The following ZNF341 variants were observed in gnomAD, a reference collection of about 807,000 sequenced individuals.
ZNF341 encodes the protein zinc finger protein 341.
Under a neutral mutation model 87.7 loss-of-function variants are expected in ZNF341, and 52 were observed. The observed-to-expected ratio is 0.59, with a 90% confidence interval of 0.47 to 0.75. The LOEUF is 0.75. ZNF341 is among the 30% of genes least tolerant of loss of function. ZNF341 has a pLI of 0.00. For synonymous variants in ZNF341, 459 were observed against 472.7 expected, an observed-to-expected ratio of 0.97 and a Z score of 0.38; for missense variants, 977 against 1,145.9, an observed-to-expected ratio of 0.85 and a Z score of 2.13.
intron 10 of ZNF341, among the ~76,000 whole-genome samples, chr20:33,776,975 C>T (rs2019639689): frequency 3.3e-5 from 5 of 151,292 alleles, no homozygotes; most frequent in Admixed American, 3.3e-4. Flanking sequence ...TTCCTAAAAA[C>T]AAGGATAACC....
At chr20:33,758,352 T>C (rs1221693267) in intron 6 of ZNF341, among the ~76,000 whole-genome samples, 4 of 152,136 alleles carry the variant, frequency 2.6e-5, no homozygotes, top group Non-Finnish European at 5.9e-5. Flanking sequence ...AGGAACATGC[T>C]TGAAGTCTTT....
chr20:33,749,146 G>C, intron 4 of ZNF341, 74 bp downstream of exon 4: 1 of 1,538,924 alleles, frequency 6.5e-7, no homozygotes. Flanking sequence ...TCAGAATCTT[G>C]TAGAATAAAG....
intron 7 of ZNF341, among the ~76,000 whole-genome samples, chr20:33,761,378 C>A (rs6088296): frequency 0.08 from 12,151 of 152,116 alleles, 497 homozygotes; most frequent in East Asian, 0.17. Context: ...AATTCTCCTG[C>A]CTCAGCCTCC....
intron 2 of ZNF341, among the ~76,000 whole-genome samples, chr20:33,741,701 G>A (rs570144607): frequency 6.6e-6 from 1 of 152,174 alleles, no homozygotes; most frequent in Non-Finnish European, 1.5e-5. Context: ...CACTGCACCT[G>A]GCCTGTAAGG....
rs904542468 is a variant in ZNF341 at position 33,732,894 on chromosome 20, A to G, written c.31+842A>G. Among the ~76,000 whole-genome samples, 25 of 152,176 alleles carry G rather than the reference A, an allele frequency of 1.6e-4. No homozygotes were observed. Among genetic ancestry groups the G allele is most frequent in the Non-Finnish European group, 8.8e-5 (6 of 68,028 alleles). ...TTAGCGACTCGGGGCCATGGCGCAG[A>G]ATAGATATTGTGGGAAATACAGACC... On this transcript the variant is annotated intron_variant, in intron 1 of 14. Coordinates refer to ENST00000375200, the MANE Select transcript of ZNF341 (RefSeq NM_001282933.2). This position sits in a 1 kb window ranked among gnomAD's most constrained non-coding sequence, Gnocchi z 4.5.
intron 9 of ZNF341, among the ~76,000 whole-genome samples, chr20:33,769,555 A>C (rs1373095406): frequency 2.6e-5 from 4 of 152,148 alleles, no homozygotes; most frequent in Admixed American, 6.6e-5. Context: ...TGCCACACAG[A>C]GCCTGAGGGA....
chr20:33,762,251 A>G (rs1402743795), intron 8 of ZNF341, among the ~76,000 whole-genome samples, 196 bp downstream of exon 8: 2 of 152,006 alleles, frequency 1.3e-5, no homozygotes, highest in Non-Finnish European at 2.9e-5. Flanking sequence ...CTAATACTGT[A>G]CCCATGGCAG....
chr20:33,785,811 C>T (rs1038646866), intron 12 of ZNF341, among the ~76,000 whole-genome samples: 2 of 152,118 alleles, frequency 1.3e-5, no homozygotes, highest in African/African-American at 4.8e-5. Context: ...TGAGCACATA[C>T]TATAACTTAT....
At chr20:33,781,831 C>T (rs1022202341) in intron 11 of ZNF341, among the ~76,000 whole-genome samples, 5 of 152,052 alleles carry the variant, frequency 3.3e-5, no homozygotes, top group African/African-American at 9.7e-5. Flanking sequence ...AGGCATGTGC[C>T]ACCATGCCCA....
At position 33,744,005 on chromosome 20, in the gene ZNF341, G is replaced by A. The variant is rs549638290; in HGVS notation, c.143-1098G>A. ...TTTAGAAAAACTTCCTGGAGAGGTC[G>A]GTGCAGTGGCTCACGCCTGTAATCC... is the stretch of plus-strand genomic sequence containing the variant. On this transcript the variant is annotated intron_variant, in intron 2 of 14. Coordinates refer to ENST00000375200, the MANE Select transcript of ZNF341 (RefSeq NM_001282933.2). Among the ~76,000 whole-genome samples the A allele has an allele frequency of 3.9e-5, 6 of 152,346 alleles. No homozygotes were observed. The East Asian group carries it at 5.8e-4, about 15-fold the overall frequency.
At chr20:33,739,928 G>T (rs1314428032) in intron 1 of ZNF341, among the ~76,000 whole-genome samples, 1 of 152,098 alleles carries the variant, frequency 6.6e-6, no homozygotes, top group African/African-American at 2.4e-5. Context: ...GCAGTGGCAG[G>T]ATCTCAGCTC....
chr20:33,736,529 G>T (rs980176666), intron 1 of ZNF341, among the ~76,000 whole-genome samples: 5 of 152,048 alleles, frequency 3.3e-5, no homozygotes, highest in Non-Finnish European at 7.4e-5. Flanking sequence ...GTTCACTGTT[G>T]CCCAGGCTGG....
chr20:33,790,213 A>T (rs1384527676), intron 14 of ZNF341, among the ~76,000 whole-genome samples: 1 of 151,918 alleles, frequency 6.6e-6, no homozygotes, highest in Non-Finnish European at 1.5e-5. Flanking sequence ...TTGGGATTAC[A>T]GGTGCCTGCC....
intron 10 of ZNF341, 137 bp downstream of exon 10, chr20:33,770,429 T>C: frequency 2.4e-6 from 2 of 843,016 alleles, no homozygotes; most frequent in Non-Finnish European, 3.6e-6. Context: ...CTGGCTGGGG[T>C]CCAGCCTGGC....
At chr20:33,771,435 G>A (rs965436248) in intron 10 of ZNF341, among the ~76,000 whole-genome samples, 1 of 151,466 alleles carries the variant, frequency 6.6e-6, no homozygotes, top group East Asian at 2.0e-4. Flanking sequence ...TTGTAGAGAC[G>A]GGGTTTCGCC....
At chr20:33,764,561 A>ATATATTTT (rs1266929824) in intron 8 of ZNF341, among the ~76,000 whole-genome samples, 16 of 28,406 alleles carry the variant, frequency 5.6e-4, no homozygotes, top group African/African-American at 1.8e-3. Flanking sequence ...ATATATATAT[A>ATATATTTT]TTTTTTTTTT....
At chr20:33,760,232 G>A (rs1237358334) in intron 7 of ZNF341, among the ~76,000 whole-genome samples, 1 of 152,018 alleles carries the variant, frequency 6.6e-6, no homozygotes, top group African/African-American at 2.4e-5. Context: ...GTGAAACCCC[G>A]TCTCTACTAA....
chr20:33,743,657 A>T (rs1051060952), intron 2 of ZNF341, among the ~76,000 whole-genome samples: 3 of 152,326 alleles, frequency 2.0e-5, no homozygotes, highest in Admixed American at 1.3e-4. Flanking sequence ...GTCTCTTAAA[A>T]AAATAAATAA....
chr20:33,758,109 A>G (rs1044903424), intron 6 of ZNF341, among the ~76,000 whole-genome samples: 1 of 152,208 alleles, frequency 6.6e-6, no homozygotes, highest in Non-Finnish European at 1.5e-5. Flanking sequence ...CTCTTGGTCT[A>G]TGATTCCTTC....
Sources: allele counts gnomAD v4.1 joint callset (sites outside exome capture counted in the v4.1 genomes callset), GRCh38; gene constraint gnomAD v4.1.1; non-coding constraint Gnocchi (gnomAD v3.1); transcripts MANE v1.5; gene names NCBI Gene and HGNC (gene_info 2026-07-23, HGNC 2026-07-21).